Variants in ZNF277 observed in about 807,000 individuals in gnomAD.
ZNF277 encodes the protein zinc finger protein 277.
A neutral mutation model predicts 60.7 loss-of-function variants in ZNF277; 55 were observed. The observed-to-expected ratio is 0.91, with a 90% CI of 0.73 to 1.13. The LOEUF is 1.13. Ranked by LOEUF, ZNF277 falls within the 50% of genes most tolerant of loss-of-function variation. The probability of loss-of-function intolerance (pLI) is 0.00; values close to 1 mark genes in which losing one functional copy is unlikely to be tolerated. For missense variants in ZNF277, 510 were observed against 523.0 expected (o/e 0.98, Z 0.24); for synonymous variants, 178 against 179.3 (o/e 0.99, Z 0.06).
intron 1 of ZNF277, among the ~76,000 whole-genome samples, chr7:112,266,981 T>A (rs1287250373): frequency 6.6e-6 from 1 of 152,206 alleles, no homozygotes; most frequent in Non-Finnish European, 1.5e-5. Flanking sequence ...TTTCTGTTCT[T>A]TATTCCTTTT....
chr7:112,338,752 A>T (rs755571909), intron 9 of ZNF277, among the ~76,000 whole-genome samples: 1 of 152,234 alleles, frequency 6.6e-6, no homozygotes, highest in Non-Finnish European at 1.5e-5. Flanking sequence ...TTAATTCATA[A>T]TATCTTAATG....
chr7:112,209,723 T>C (rs1227916421), intron 1 of ZNF277, among the ~76,000 whole-genome samples: 3 of 152,234 alleles, frequency 2.0e-5, no homozygotes, highest in Non-Finnish European at 4.4e-5. Context: ...AGGTGTGATA[T>C]AAATTTTAGG....
chr7:112,240,566 T>G (rs1447471641), intron 1 of ZNF277, among the ~76,000 whole-genome samples: 3 of 152,032 alleles, frequency 2.0e-5, no homozygotes, highest in Admixed American at 6.5e-5. Flanking sequence ...ACAAAAAAAT[T>G]TTTAAGAAAA....
At chr7:112,319,522 T>G (rs1294328309) in intron 5 of ZNF277, among the ~76,000 whole-genome samples, 1 of 151,800 alleles carries the variant, frequency 6.6e-6, no homozygotes, top group Non-Finnish European at 1.5e-5. Flanking sequence ...AATATCATTC[T>G]CTGCTCACTT....
chr7:112,301,341 T>C (rs1792466342), intron 4 of ZNF277, among the ~76,000 whole-genome samples: 1 of 152,182 alleles, frequency 6.6e-6, no homozygotes, highest in South Asian at 2.1e-4. Flanking sequence ...TTCTTTATTG[T>C]CTTCATGTTC....
intron 5 of ZNF277, among the ~76,000 whole-genome samples, chr7:112,320,241 G>C (rs527454920): frequency 6.6e-6 from 1 of 152,198 alleles, no homozygotes; most frequent in East Asian, 1.9e-4. Flanking sequence ...TCTGCATTCT[G>C]TATTGAGTAG....
chr7:112,232,044 T>TATATATAC (rs1436859502), intron 1 of ZNF277, among the ~76,000 whole-genome samples: 21 of 4,442 alleles, frequency 4.7e-3, no homozygotes, highest in Admixed American at 9.0e-3. Flanking sequence ...AATAAATACA[T>TATATATAC]ATATATATAT....
At chr7:112,320,327 T>A (rs1792948330) in intron 5 of ZNF277, among the ~76,000 whole-genome samples, 1 of 152,140 alleles carries the variant, frequency 6.6e-6, no homozygotes, top group East Asian at 1.9e-4. Flanking sequence ...CACATTTTTT[T>A]AAAATAACCA....
chr7:112,278,800 C>T (rs1791877846), intron 1 of ZNF277, among the ~76,000 whole-genome samples: 1 of 152,054 alleles, frequency 6.6e-6, no homozygotes, highest in South Asian at 2.1e-4. Context: ...TTTTAATGTA[C>T]ACTACTATTA....
chr7:112,281,587 C>T (rs1406322904), intron 1 of ZNF277, among the ~76,000 whole-genome samples: 2 of 152,170 alleles, frequency 1.3e-5, no homozygotes, highest in Non-Finnish European at 2.9e-5. Flanking sequence ...GGGCCTGTTA[C>T]GCCAAGGCCC....
At chr7:112,302,569 G>T (rs913457665) in intron 4 of ZNF277, among the ~76,000 whole-genome samples, 1 of 152,028 alleles carries the variant, frequency 6.6e-6, no homozygotes, top group Non-Finnish European at 1.5e-5. Flanking sequence ...CAATTTAGCT[G>T]CAGTGACCAT....
At chr7:112,305,388 G>A (rs1203092504) in intron 4 of ZNF277, among the ~76,000 whole-genome samples, 1 of 151,744 alleles carries the variant, frequency 6.6e-6, no homozygotes, top group Non-Finnish European at 1.5e-5. Flanking sequence ...AAATGATTTA[G>A]GAAAAATTGC....
chr7:112,318,164 T>A lies in ZNF277; in HGVS notation c.466-18T>A. 1 of 1,599,728 alleles carries A rather than the reference T, an allele frequency of 6.3e-7. No individual in the cohort carries two copies. Reference sequence around the variant, plus strand: ...TTGTGCATTAAGATAATACCATAAATCTGTTTCTACTTTCCAGAGAGAAAT... The same window carrying A: ...TTGTGCATTAAGATAATACCATAAAACTGTTTCTACTTTCCAGAGAGAAAT... On this transcript the variant is annotated intron_variant, in intron 4 of 11. Coordinates refer to ENST00000361822, the MANE Select transcript of ZNF277 (RefSeq NM_021994.3).
intron 1 of ZNF277, among the ~76,000 whole-genome samples, chr7:112,258,703 C>A (rs1033080719): frequency 6.6e-6 from 1 of 152,032 alleles, no homozygotes; most frequent in Non-Finnish European, 1.5e-5. Context: ...GGCAAGCCTG[C>A]AAATAGGAAG....
intron 4 of ZNF277, among the ~76,000 whole-genome samples, chr7:112,317,913 A>G (rs570402354): frequency 1.0e-3 from 152 of 152,106 alleles, no homozygotes; most frequent in Non-Finnish European, 1.8e-3. Context: ...GGGATGGGAA[A>G]ACACTGGAAA....
rs548857461 is a variant in ZNF277, at chr7:112,230,178, G to C, written c.91+23371G>C. 8.1e-4 allele frequency among the ~76,000 whole-genome samples: 123 copies of C among 152,288 alleles called. 1 individual carries two copies. The highest frequency in any genetic ancestry group is 1.4e-3 in the Non-Finnish European group (94 of 68,012). On this transcript the variant is annotated intron_variant, in intron 1 of 11. Coordinates refer to ENST00000361822, the MANE Select transcript of ZNF277 (RefSeq NM_021994.3). ...GCAGTGGCTCACGCCTGTAATCTCA[G>C]CACTCTGGGAGGCCAAGGTGGGTGT...
intron 4 of ZNF277, among the ~76,000 whole-genome samples, chr7:112,311,481 A>G (rs370368716): frequency 1.3e-5 from 2 of 152,276 alleles, no homozygotes; most frequent in African/African-American, 4.8e-5. Flanking sequence ...TATTCCTAGT[A>G]TATAGCCAAG....
At chr7:112,255,430 C>T (rs1467627298) in intron 1 of ZNF277, among the ~76,000 whole-genome samples, 2 of 152,196 alleles carry the variant, frequency 1.3e-5, no homozygotes, top group East Asian at 3.9e-4. Flanking sequence ...CTGTTCACCA[C>T]AAAAGCTGAA....
At chr7:112,219,276 T>TTTTATTTTTTTCATAAAGAGA (rs1821966122) in intron 1 of ZNF277, among the ~76,000 whole-genome samples, 1 of 152,230 alleles carries the variant, frequency 6.6e-6, no homozygotes, top group African/African-American at 2.4e-5. Flanking sequence ...TGGGGTCGTG[T>TTTTATTTTTTTCATAAAGAGA]ACAAAAAATC....
Sources: allele counts gnomAD v4.1 joint callset (sites outside exome capture counted in the v4.1 genomes callset), GRCh38; gene constraint gnomAD v4.1.1; transcripts MANE v1.5; gene names NCBI Gene and HGNC (gene_info 2026-07-23, HGNC 2026-07-21).